STPG2: variants seen among roughly 807,000 people sequenced by gnomAD.
STPG2 encodes sperm tail PG-rich repeat containing 2, also known as sperm-tail PG-rich repeat-containing protein 2.
Under a neutral mutation model 54.2 loss-of-function variants are expected in STPG2, and 56 were observed. That is an observed-to-expected ratio of 1.03 (90% CI 0.83 to 1.29). The LOEUF is 1.29. Ranked by LOEUF, STPG2 falls within the 50% of genes most tolerant of loss-of-function variation. The probability of loss-of-function intolerance (pLI) is 0.00; values close to 1 mark genes in which losing one functional copy is unlikely to be tolerated. For missense variants in STPG2, 596 were observed against 544.9 expected (o/e 1.09, Z -0.93); for synonymous variants, 200 against 181.8 (o/e 1.10, Z -0.81).
chr4:97,773,235 A>T (rs1404865290), intron 9 of STPG2, among the ~76,000 whole-genome samples: 1 of 152,156 alleles, frequency 6.6e-6, no homozygotes, highest in Non-Finnish European at 1.5e-5. Flanking sequence ...TGTACCTTTA[A>T]TCATGAATTT....
intron 10 of STPG2, among the ~76,000 whole-genome samples, chr4:97,655,048 G>A (rs560341945): frequency 6.6e-6 from 1 of 152,028 alleles, no homozygotes; most frequent in Non-Finnish European, 1.5e-5. Flanking sequence ...GGTTATCTCT[G>A]GCTGATAGAA....
At chr4:98,018,749 T>G (rs1189003464) in intron 5 of STPG2, among the ~76,000 whole-genome samples, 2 of 151,992 alleles carry the variant, frequency 1.3e-5, no homozygotes, top group Non-Finnish European at 2.9e-5. Context: ...GGTTTTGATT[T>G]GCATTTCCCT....
At chr4:97,548,540 G>A (rs1473624005) in intron 4 of STPG2, among the ~76,000 whole-genome samples, 3 of 152,044 alleles carry the variant, frequency 2.0e-5, no homozygotes, top group Non-Finnish European at 4.4e-5. Context: ...TACTTAGTAT[G>A]AAATAATAAA....
chr4:98,099,341 G>A (rs1738957007), intron 5 of STPG2, among the ~76,000 whole-genome samples: 1 of 152,156 alleles, frequency 6.6e-6, no homozygotes. Context: ...AGGTCATTAT[G>A]TTAACTGAAA....
intron 9 of STPG2, among the ~76,000 whole-genome samples, chr4:97,807,487 T>C (rs1056366913): frequency 1.1e-4 from 17 of 151,996 alleles, no homozygotes; most frequent in African/African-American, 4.1e-4. Context: ...TTTTGTGATA[T>C]ACTGCCTATC....
At chr4:97,819,641 G>A (rs1728020898) in intron 9 of STPG2, among the ~76,000 whole-genome samples, 1 of 151,812 alleles carries the variant, frequency 6.6e-6, no homozygotes, top group Non-Finnish European at 1.5e-5. Flanking sequence ...AAATTATGCT[G>A]TCAACATCAA....
intron 10 of STPG2, among the ~76,000 whole-genome samples, chr4:97,575,704 C>G (rs1732705759): frequency 6.6e-6 from 1 of 152,102 alleles, no homozygotes; most frequent in Middle Eastern, 3.4e-3. Flanking sequence ...AGAACTAAAA[C>G]AAGAAAAGGA....
chr4:98,128,623 CCAAGG>C lies in STPG2; in HGVS notation c.223-36_223-32del, dbSNP rs772593074. 1.5e-5 allele frequency: 23 copies of C among 1,495,334 alleles called. No individual in the cohort carries two copies. The African/African-American group carries it at 2.3e-4, about 15-fold the overall frequency. The allele number at this position is 1,495,334 out of a possible 1,614,324, so 92.6% of individuals were successfully genotyped here. ...AGGAAAACATTTTATATTATTTATT[CCAAGG>C]CAAGAGGAAGGGGAATGAAGAACCA... On this transcript the variant is annotated intron_variant, in intron 2 of 10. Transcript: ENST00000295268.
At chr4:97,972,087 T>C (rs989450598) in intron 7 of STPG2, among the ~76,000 whole-genome samples, 193 bp downstream of exon 7, 1 of 152,172 alleles carries the variant, frequency 6.6e-6, no homozygotes, top group Admixed American at 6.6e-5. Flanking sequence ...GAAATTCAAT[T>C]TGTGTTTTTT....
intron 8 of STPG2, among the ~76,000 whole-genome samples, chr4:97,917,794 A>T (rs1731941200): frequency 6.6e-6 from 1 of 152,106 alleles, no homozygotes; most frequent in Non-Finnish European, 1.5e-5. Flanking sequence ...ACTTTTTTTT[A>T]GACAAGATAA....
At chr4:97,545,594 C>CA (rs1231810325) in intron 4 of STPG2, among the ~76,000 whole-genome samples, 2 of 152,008 alleles carry the variant, frequency 1.3e-5, no homozygotes, top group African/African-American at 4.8e-5. Flanking sequence ...GGTTAATTAC[C>CA]AGGGTTAGTC....
At chr4:98,056,211 G>A (rs372087204) in intron 5 of STPG2, among the ~76,000 whole-genome samples, 19 of 152,244 alleles carry the variant, frequency 1.2e-4, no homozygotes, top group African/African-American at 4.1e-4. Flanking sequence ...ACACTGCACA[G>A]AGAACTCCCA....
intron 5 of STPG2, among the ~76,000 whole-genome samples, chr4:97,988,776 T>C (rs1269350190): frequency 6.6e-6 from 1 of 152,132 alleles, no homozygotes; most frequent in Non-Finnish European, 1.5e-5. Flanking sequence ...CGGCTAACTT[T>C]TGTATTTTTG....
At chr4:97,702,282 G>A (rs1397417834) in intron 10 of STPG2, among the ~76,000 whole-genome samples, 1 of 152,096 alleles carries the variant, frequency 6.6e-6, no homozygotes, top group Non-Finnish European at 1.5e-5. Flanking sequence ...CACTTAGTGG[G>A]CCCAAATAAA....
At chr4:97,654,128 G>T (rs540518901) in intron 10 of STPG2, among the ~76,000 whole-genome samples, 1 of 152,122 alleles carries the variant, frequency 6.6e-6, no homozygotes, top group Non-Finnish European at 1.5e-5. Context: ...GATGCTGAAA[G>T]TTGGCTGGAA....
downstream of STPG2, among the ~76,000 whole-genome samples, chr4:97,556,234 G>T (rs1732075202): frequency 6.6e-6 from 1 of 152,148 alleles, no homozygotes; most frequent in Non-Finnish European, 1.5e-5. Context: ...ATATAAGCAA[G>T]AAAGTGGTCA....
rs192767286 is a variant in STPG2 at position 97,906,421 on chromosome 4, G to A, written c.1044+37476C>T. Among the ~76,000 whole-genome samples the A allele has an allele frequency of 3.4e-3, 513 of 152,164 alleles. 11 individuals are homozygous for A. The highest frequency in any genetic ancestry group is 1.5e-3 in the Non-Finnish European group (100 of 68,012). On this transcript the variant is annotated intron_variant, in intron 8 of 10. Transcript: ENST00000295268. ...TCCAGGACCAGATGGATTCACAGCC[G>A]AATTCTACCAGAGGTACAAGGAGGA...
intron 4 of STPG2, among the ~76,000 whole-genome samples, chr4:97,536,609 T>C (rs2148857191): frequency 6.6e-6 from 1 of 152,290 alleles, no homozygotes; most frequent in Admixed American, 6.5e-5. Context: ...AGGAAGAGAA[T>C]GGTCCCAAAC....
chr4:97,546,285 T>A (rs1731831583), intron 4 of STPG2, among the ~76,000 whole-genome samples: 1 of 151,984 alleles, frequency 6.6e-6, no homozygotes, highest in South Asian at 2.1e-4. Flanking sequence ...TTTACCTACA[T>A]TTCTAAAGGC....
Sources: allele counts gnomAD v4.1 joint callset (sites outside exome capture counted in the v4.1 genomes callset), GRCh38; gene constraint gnomAD v4.1.1; transcripts MANE v1.5; gene names NCBI Gene and HGNC (gene_info 2026-07-23, HGNC 2026-07-21).